The following ATRNL1 variants were observed in gnomAD, a reference collection of about 807,000 sequenced individuals.
ATRNL1 encodes attractin like 1.
In ATRNL1, 95 loss-of-function variants were observed where a neutral mutation model predicts 182.7. The ratio of observed to expected loss-of-function variants is 0.52; its 90% CI spans 0.44 to 0.62. ATRNL1 has a LOEUF of 0.62. ATRNL1 is among the 20% of genes least tolerant of loss of function. The pLI, the probability that ATRNL1 is intolerant of heterozygous loss-of-function variation, is 0.00. For missense variants in ATRNL1, 1,471 were observed against 1,679.5 expected, an observed-to-expected ratio of 0.88 and a Z score of 2.17; for synonymous variants, 576 against 568.3, an observed-to-expected ratio of 1.01 and a Z score of -0.19.
At chr10:115,939,728 G>C (rs1342337056) in intron 28 of ATRNL1, among the ~76,000 whole-genome samples, 2 of 152,108 alleles carry the variant, frequency 1.3e-5, no homozygotes, top group Non-Finnish European at 2.9e-5. Context: ...ATGATCTTCT[G>C]GAGTGACCTG....
intron 26 of ATRNL1, among the ~76,000 whole-genome samples, chr10:115,698,143 C>G (rs910948467): frequency 2.6e-5 from 4 of 151,742 alleles, no homozygotes; most frequent in Admixed American, 6.6e-5. Context: ...GAAATGGACC[C>G]AGTTTAAATA....
chr10:115,538,406 G>T (rs1391760710), intron 25 of ATRNL1, among the ~76,000 whole-genome samples: 2 of 152,164 alleles, frequency 1.3e-5, no homozygotes, highest in African/African-American at 2.4e-5. Context: ...ATGTGTAGTG[G>T]TATCTTGTGG....
At chr10:115,332,611 G>A (rs1554935410) in intron 18 of ATRNL1, among the ~76,000 whole-genome samples, 1 of 151,748 alleles carries the variant, frequency 6.6e-6, no homozygotes, top group African/African-American at 2.4e-5. Flanking sequence ...AGGATGATGA[G>A]CATTTTTTCA....
intron 26 of ATRNL1, among the ~76,000 whole-genome samples, chr10:115,660,676 A>T (rs1860626357): frequency 6.6e-6 from 1 of 152,098 alleles, no homozygotes; most frequent in Non-Finnish European, 1.5e-5. Flanking sequence ...GACAGTTTCC[A>T]TGATAAGGTG....
chr10:115,153,790 A>T (rs1846365508), intron 5 of ATRNL1, among the ~76,000 whole-genome samples: 1 of 151,860 alleles, frequency 6.6e-6, no homozygotes, highest in South Asian at 2.1e-4. Flanking sequence ...TTGCTTCTCT[A>T]GTTCTTTTAA....
At chr10:115,178,942 AT>A (rs1289130292) in intron 8 of ATRNL1, among the ~76,000 whole-genome samples, 3 of 151,662 alleles carry the variant, frequency 2.0e-5, no homozygotes, top group African/African-American at 7.3e-5. Context: ...AAAAATTTAT[AT>A]TCTTTTTCTA....
chr10:115,137,695 C>A (rs1166740485), intron 5 of ATRNL1, among the ~76,000 whole-genome samples: 1 of 152,186 alleles, frequency 6.6e-6, no homozygotes, highest in African/African-American at 2.4e-5. Flanking sequence ...TCAGTTACCT[C>A]CTACTGGGTC....
chr10:115,438,540 A>G (rs1285860545), intron 21 of ATRNL1, among the ~76,000 whole-genome samples: 7 of 152,060 alleles, frequency 4.6e-5, no homozygotes, highest in Admixed American at 3.3e-4. Context: ...AACATCTTGT[A>G]TACGTTAAAA....
intron 25 of ATRNL1, among the ~76,000 whole-genome samples, chr10:115,525,376 T>C: frequency 6.6e-6 from 1 of 152,214 alleles, no homozygotes; most frequent in Non-Finnish European, 1.5e-5. Context: ...CTGACACCTG[T>C]CGTCTATTAC....
intron 27 of ATRNL1, among the ~76,000 whole-genome samples, chr10:115,827,448 C>G (rs953186248): frequency 6.6e-6 from 1 of 152,140 alleles, no homozygotes. Flanking sequence ...GCTGGCAGGA[C>G]GTAAGGTGTC....
At chr10:115,394,777 C>CT in intron 20 of ATRNL1, 25 bp downstream of exon 20, 1 of 1,509,656 alleles carries the variant, frequency 6.6e-7, no homozygotes, top group Non-Finnish European at 9.0e-7. Flanking sequence ...CTTTTTAGAA[C>CT]TTTCGTGGAT....
chr10:115,768,748 G>A (rs541333568), intron 27 of ATRNL1, among the ~76,000 whole-genome samples: 93 of 151,990 alleles, frequency 6.1e-4, no homozygotes, highest in African/African-American at 2.0e-3. Context: ...TTATTTCATA[G>A]TTTATAACTA....
At chr10:115,636,544 A>G (rs1775905770) in intron 26 of ATRNL1, among the ~76,000 whole-genome samples, 6 of 152,216 alleles carry the variant, frequency 3.9e-5, no homozygotes, top group Admixed American at 3.3e-4. Flanking sequence ...TGCCTACTAA[A>G]TAAAAGATTT....
At chr10:115,602,770 G>C (rs11197333) in intron 26 of ATRNL1, among the ~76,000 whole-genome samples, 74,328 of 151,052 alleles carry the variant, frequency 0.49, 19,189 homozygotes, top group African/African-American at 0.6. Context: ...AGGAGAATGG[G>C]GTGAACCCAG....
At position 115,215,702 on chromosome 10, in the gene ATRNL1, A is replaced by G; in HGVS notation, c.1354A>G (p.Asn452Asp). 2 of 1,591,482 alleles carry G rather than the reference A, an allele frequency of 1.3e-6. No homozygotes were observed. Among genetic ancestry groups the G allele is most frequent in the East Asian group, 2.3e-5 (1 of 43,702 alleles). ...GTATTTTATTTCTGTTACAGCATCA[A>G]ACACTTGGCTTGTTCCAGAAACTAA... ...SSIQEYHISS[N>D]TWLVPETKGA... Residue 452 changes from asparagine to aspartate, a missense_variant, in exon 9 of 29, where the codon AAC becomes GAC. Physicochemically the swap from Asn to Asp is conservative, Grantham distance 23. Transcript: ENST00000355044.
At chr10:115,177,168 G>T (rs1474595025) in intron 8 of ATRNL1, among the ~76,000 whole-genome samples, 1 of 152,170 alleles carries the variant, frequency 6.6e-6, no homozygotes, top group Non-Finnish European at 1.5e-5. Flanking sequence ...TTCTGCTGAT[G>T]CCTCAAGTAC....
intron 1 of ATRNL1, among the ~76,000 whole-genome samples, chr10:115,104,042 C>A (rs1392583137): frequency 6.6e-6 from 1 of 152,170 alleles, no homozygotes; most frequent in South Asian, 2.1e-4. Flanking sequence ...GATTTCCTTT[C>A]TTTTAGGTAA....
rs193302321 is a variant in ATRNL1 at position 115,698,546 on chromosome 10, G to A, written c.3796-28702G>A. On this transcript the variant is annotated intron_variant, in intron 26 of 28. Coordinates refer to ENST00000355044, the MANE Select transcript of ATRNL1 (RefSeq NM_207303.4). Reference sequence around the variant, plus strand: ...TGTAATCCCAGCACTTTGGGAGTCCGAGGCAGGCAGATCACGAGGTCAAGA... The same window carrying A: ...TGTAATCCCAGCACTTTGGGAGTCCAAGGCAGGCAGATCACGAGGTCAAGA... Among the ~76,000 whole-genome samples, 718 of 152,202 alleles carry A rather than the reference G, an allele frequency of 4.7e-3. 4 individuals carry two copies. Among genetic ancestry groups the A allele is most frequent in the Non-Finnish European group, 7.5e-3 (511 of 68,002 alleles).
rs567014479 is a variant in ATRNL1, at chr10:115,912,135, A to G, written c.4019-32523A>G. On this transcript the variant is annotated intron_variant, in intron 28 of 28. Coordinates refer to ENST00000355044, the MANE Select transcript of ATRNL1 (RefSeq NM_207303.4). ...CTAGTTCTAGAAGTCATCATCAATA[A>G]TGAAGATACAACAAGGCCACCAAAG... Among the ~76,000 whole-genome samples, 33 of 152,320 alleles carry G rather than the reference A, an allele frequency of 2.2e-4. 2 individuals carry two copies. The South Asian group carries it at 6.8e-3, about 32-fold the overall frequency.
Sources: allele counts gnomAD v4.1 joint callset (sites outside exome capture counted in the v4.1 genomes callset), GRCh38; gene constraint gnomAD v4.1.1; transcripts MANE v1.5; gene names NCBI Gene and HGNC (gene_info 2026-07-23, HGNC 2026-07-21).